Variants in PLXNC1 observed in about 807,000 individuals in gnomAD.
PLXNC1 encodes plexin-C1.
A neutral mutation model predicts 178.2 loss-of-function variants in PLXNC1; 75 were observed. That is an observed-to-expected ratio of 0.42 (90% CI 0.35 to 0.51). The LOEUF (loss-of-function observed/expected upper bound fraction) is 0.51, where lower values mean the gene tolerates loss of function less well. PLXNC1 is among the 20% of genes least tolerant of loss of function. The probability of loss-of-function intolerance (pLI) is 0.02; values close to 1 mark genes in which losing one functional copy is unlikely to be tolerated. For missense variants in PLXNC1, 1,503 were observed against 1,984.4 expected, an observed-to-expected ratio of 0.76 and a Z score of 4.61; for synonymous variants, 790 against 779.9, an observed-to-expected ratio of 1.01 and a Z score of -0.22.
In PLXNC1 at chr12:94,202,987, A is replaced by G. The variant is rs1304838002; in HGVS notation, c.1440-6603A>G. 2.0e-5 allele frequency among the ~76,000 whole-genome samples: 3 copies of G among 152,190 alleles called. No homozygotes were observed. In the East Asian group the frequency reaches 5.8e-4, roughly 29 times the overall value. On this transcript the variant is annotated intron_variant, in intron 4 of 30. Transcript: ENST00000258526. ...AGTAACATCATCAGCTCTGTGCGTA[A>G]GAGTAACCCAGATGTTGATGTGGAG...
chr12:94,254,658 G>C lies in PLXNC1; in HGVS notation c.2882-129G>C, dbSNP rs201331337. 66 of 726,912 alleles carry C rather than the reference G, an allele frequency of 9.1e-5. 1 individual carries two copies. In the East Asian group the frequency reaches 1.8e-3, roughly 20 times the overall value. 45.0% of individuals were successfully genotyped at this position (726,912 alleles called of 1,614,324 possible). On this transcript the variant is annotated intron_variant, in intron 15 of 30. Transcript: ENST00000258526. ...AATGCTATTTTCTAGTTTCATTCTA[G>C]CTCCTGCTCTCTGTCCCTATCTGTT...
rs112873243 is a variant in PLXNC1, at chr12:94,226,524, A to G, written c.1791-81A>G. 1.0e-3 allele frequency: 911 copies of G among 873,358 alleles called. 13 individuals carry two copies. The African/African-American group carries it at 0.014, about 14-fold the overall frequency. The allele number at this position is 873,358 out of a possible 1,614,324, so 54.1% of individuals were successfully genotyped here. A position where few individuals can be genotyped will look rare whatever the true frequency, so the allele number is the denominator to read the frequency against. On this transcript the variant is annotated intron_variant, in intron 7 of 30. Transcript: ENST00000258526. ...TTTTTGCCTTCTTTTAAATGCTTGC[A>G]TGCCACATCACAGAGGGAAATTCTA...
chr12:94,293,717 C>T (rs1019839992), intron 23 of PLXNC1, among the ~76,000 whole-genome samples: 2 of 152,216 alleles, frequency 1.3e-5, no homozygotes, highest in African/African-American at 4.8e-5. Flanking sequence ...TGTCTGGGCT[C>T]AAGTGATCCT....
intron 17 of PLXNC1, 150 bp from the exon 18 acceptor site, chr12:94,259,187 G>A (rs1244068358): frequency 1.7e-6 from 1 of 582,538 alleles, no homozygotes. Context: ...TTATGTATTA[G>A]AGAATACGCA....
intron 16 of PLXNC1, 48 bp downstream of exon 16, chr12:94,254,936 T>C (rs1565833145): frequency 7.0e-7 from 1 of 1,428,806 alleles, no homozygotes; most frequent in Non-Finnish European, 9.7e-7. Flanking sequence ...TTTATATTTA[T>C]ACTTTTATTT....
At chr12:94,294,769 G>A (rs1018120439) in intron 24 of PLXNC1, among the ~76,000 whole-genome samples, 2 of 152,178 alleles carry the variant, frequency 1.3e-5, no homozygotes, top group African/African-American at 2.4e-5. Flanking sequence ...CAGCACTGAG[G>A]AAGTGGCTGC....
rs1592765175 is a variant in PLXNC1 at position 94,208,098 on chromosome 12, T to C, written c.1440-1492T>C. On this transcript the variant is annotated intron_variant, in intron 4 of 30. Coordinates refer to ENST00000258526, the MANE Select transcript of PLXNC1 (RefSeq NM_005761.3). The stretch of plus-strand genomic sequence containing the variant: ...TCTCCGTTGCAAACTCTCTCTGACA[T>C]TGACAGGCGGTTTAATTTGAACTTA... Among the ~76,000 whole-genome samples the C allele has an allele frequency of 2.0e-5, 3 of 152,344 alleles. No homozygotes were observed. In the East Asian group the frequency reaches 5.8e-4, roughly 29 times the overall value.
At chr12:94,261,541 G>T (rs1409106029) in intron 20 of PLXNC1, among the ~76,000 whole-genome samples, 1 of 152,152 alleles carries the variant, frequency 6.6e-6, no homozygotes, top group South Asian at 2.1e-4. Flanking sequence ...TTAGCCCTAA[G>T]GAAGCCTCCA....
intron 20 of PLXNC1, chr12:94,262,893 C>T: frequency 3.6e-6 from 2 of 550,812 alleles, no homozygotes; most frequent in Non-Finnish European, 4.6e-6. Flanking sequence ...GTCCTGTGAG[C>T]TAAGTGTCTT....
chr12:94,212,886 AT>A (rs201533142), intron 5 of PLXNC1, among the ~76,000 whole-genome samples: 30,970 of 151,610 alleles, frequency 0.2, 3,303 homozygotes, highest in Middle Eastern at 0.26. Flanking sequence ...CACCCGGCTA[AT>A]TTTTTGTATT....
intron 18 of PLXNC1, 76 bp downstream of exon 18, chr12:94,259,451 T>C (rs2306664): frequency 0.55 from 662,296 of 1,194,984 alleles, 186,039 homozygotes; most frequent in African/African-American, 0.62. Flanking sequence ...CTATCATCTC[T>C]ATTATTATTA....
At chr12:94,171,865 C>A (rs999253793) in intron 2 of PLXNC1, among the ~76,000 whole-genome samples, 15 of 152,286 alleles carry the variant, frequency 9.8e-5, no homozygotes, top group African/African-American at 3.4e-4. Flanking sequence ...TTCTCTCACT[C>A]AGGAGAAGGG....
chr12:94,247,760 G>A (rs1465175819), intron 12 of PLXNC1, 143 bp from the exon 13 acceptor site: 2 of 699,894 alleles, frequency 2.9e-6, no homozygotes, highest in Non-Finnish European at 5.0e-6. Context: ...AATCCTGTGA[G>A]GGAGGTAGTT....
intron 22 of PLXNC1, among the ~76,000 whole-genome samples, chr12:94,280,750 C>T (rs1966377589): frequency 6.6e-6 from 1 of 152,252 alleles, no homozygotes; most frequent in Non-Finnish European, 1.5e-5. Flanking sequence ...ATGTGGCTGT[C>T]ACTACAAAGG....
chr12:94,170,177 C>G (rs1665406342), intron 2 of PLXNC1, among the ~76,000 whole-genome samples: 1 of 152,176 alleles, frequency 6.6e-6, no homozygotes, highest in South Asian at 2.1e-4. Context: ...CAACTGATCT[C>G]CCACAGATAA....
intron 22 of PLXNC1, chr12:94,280,070 CTG>C (rs1966323522): frequency 2.9e-6 from 1 of 342,366 alleles, no homozygotes; most frequent in Admixed American, 4.2e-5. Flanking sequence ...GGCTCAGACT[CTG>C]GGTGTTAACT....
At chr12:94,250,537 A>G (rs969695454) in intron 14 of PLXNC1, among the ~76,000 whole-genome samples, 6 of 152,200 alleles carry the variant, frequency 3.9e-5, no homozygotes, top group African/African-American at 1.2e-4. Context: ...CGGGGGCAGC[A>G]TGAGTCCAAG....
At chr12:94,275,391 C>T (rs960750559) in intron 21 of PLXNC1, among the ~76,000 whole-genome samples, 36 of 152,158 alleles carry the variant, frequency 2.4e-4, no homozygotes, top group African/African-American at 8.4e-4. Flanking sequence ...GGTGTCTCCC[C>T]CGATGGGGTA....
At chr12:94,298,443 A>AT (rs543034072) in intron 26 of PLXNC1, among the ~76,000 whole-genome samples, 189 bp from the exon 27 acceptor site, 5 of 152,190 alleles carry the variant, frequency 3.3e-5, no homozygotes, top group Non-Finnish European at 7.3e-5. Context: ...CTGGGCATGG[A>AT]TTTTCAAGAC....
Sources: allele counts gnomAD v4.1 joint callset (sites outside exome capture counted in the v4.1 genomes callset), GRCh38; gene constraint gnomAD v4.1.1; transcripts MANE v1.5; gene names NCBI Gene and HGNC (gene_info 2026-07-23, HGNC 2026-07-21).